The following PFKM variants were observed in gnomAD, a reference collection of about 807,000 sequenced individuals.
The protein encoded by PFKM is ATP-dependent 6-phosphofructokinase, muscle type.
In PFKM, 58 loss-of-function variants were observed where a neutral mutation model predicts 95.5. The observed-to-expected ratio is 0.61, with a 90% confidence interval of 0.49 to 0.76. The LOEUF (loss-of-function observed/expected upper bound fraction) is 0.76, where lower values mean the gene tolerates loss of function less well. Among genes scored for constraint, PFKM ranks in the 30% least tolerant of loss-of-function variants. The pLI is 0.00. For synonymous variants in PFKM, 336 were observed against 357.2 expected (o/e 0.94, Z 0.67); for missense variants, 678 against 1,005.4 (o/e 0.67, Z 4.40).
chr12:48,125,403 C>T (rs781570833), intron 2 of PFKM: 1 of 430,026 alleles, frequency 2.3e-6, no homozygotes. Flanking sequence ...GGGCAGATCA[C>T]CCGAGGTTGG....
chr12:48,108,384 G>A (rs1206393703), intron 3 of PFKM, among the ~76,000 whole-genome samples: 1 of 152,096 alleles, frequency 6.6e-6, no homozygotes, highest in South Asian at 2.1e-4. Context: ...GATGGGGAGG[G>A]AAAGGAAGAA....
At chr12:48,118,907 G>A (rs1377707621), upstream of PFKM, among the ~76,000 whole-genome samples, 1 of 151,934 alleles carries the variant, frequency 6.6e-6, no homozygotes, top group Non-Finnish European at 1.5e-5. Flanking sequence ...TAAACCTCTC[G>A]GCACCTAATG....
intron 1 of PFKM, chr12:48,120,051 A>C (rs1296183423): frequency 6.6e-6 from 1 of 152,188 alleles, no homozygotes; most frequent in Non-Finnish European, 1.5e-5. Flanking sequence ...AATGAGAAGA[A>C]AAAACGGGAG....
intron 10 of PFKM, among the ~76,000 whole-genome samples, chr12:48,135,958 G>C (rs2135934414): frequency 6.6e-6 from 1 of 151,870 alleles, no homozygotes; most frequent in African/African-American, 2.4e-5. Context: ...GTGCGACCTT[G>C]GCTCACTGCA....
chr12:48,141,783 A>T lies in PFKM; in HGVS notation c.1456A>T (p.Thr486Ser). ...CTTTGAACAGATCAGTGCCAATATA[A>T]CTAAGTTTAACATTCAGGGCCTTGT... ...KSFEQISANI[T>S]KFNIQGLVII... The change falls in exon 16 of 23, where the codon ACT (threonine) becomes TCT (serine). Residue 486 changes from threonine to serine, a missense_variant. Transcript: ENST00000359794. The T allele has an allele frequency of 6.2e-7, 1 of 1,613,752 alleles. No homozygotes were observed. Among genetic ancestry groups the T allele is most frequent in the Admixed American group, 1.7e-5 (1 of 60,002 alleles).
chr12:48,109,133 T>G (rs1373479347), intron 3 of PFKM, among the ~76,000 whole-genome samples: 1 of 152,238 alleles, frequency 6.6e-6, no homozygotes, highest in African/African-American at 2.4e-5. Context: ...GGAGATAATA[T>G]GGAACAATGT....
chr12:48,112,705 G>A (rs1947313990), intron 3 of PFKM, among the ~76,000 whole-genome samples: 1 of 152,050 alleles, frequency 6.6e-6, no homozygotes, highest in Admixed American at 6.6e-5. Flanking sequence ...GGATAAGCAA[G>A]ACAATTTGGT....
intron 2 of PFKM, among the ~76,000 whole-genome samples, chr12:48,128,748 C>A (rs1949110054): frequency 1.3e-5 from 2 of 152,182 alleles, no homozygotes; most frequent in Non-Finnish European, 2.9e-5. Context: ...CGATTACTAG[C>A]TCTCTTAGTG....
chr12:48,133,046 T>C lies in PFKM; in HGVS notation c.416T>C (p.Leu139Pro). The change falls in exon 5 of 23, where the codon CTC becomes CCC. Residue 139 changes from leucine (L) to proline (P), a missense_variant. By Grantham distance (98) the Leu-to-Pro change is moderately conservative. Coordinates refer to ENST00000359794, the MANE Select transcript of PFKM (RefSeq NM_000289.6). ...RSEWSDLLSDLQKAGKITDEE... is the reference protein window; with the variant it reads ...RSEWSDLLSDPQKAGKITDEE... Reference sequence around the variant, plus strand: ...GAGTGGAGTGACTTGTTGAGTGACCTCCAGAAAGCAGGTAAGAGAGTTTTC... The same window carrying C: ...GAGTGGAGTGACTTGTTGAGTGACCCCCAGAAAGCAGGTAAGAGAGTTTTC... 6.2e-7 allele frequency: 1 copy of C among 1,614,072 alleles called. No individual in the cohort carries two copies.
chr12:48,135,216 T>A, intron 9 of PFKM, 75 bp from the exon 10 acceptor site: 3 of 1,340,976 alleles, frequency 2.2e-6, no homozygotes, highest in Non-Finnish European at 3.2e-6. Context: ...TGTCCATGGT[T>A]TACCCAAGTC....
At chr12:48,138,566 A>T (rs961726290) in intron 11 of PFKM, among the ~76,000 whole-genome samples, 1 of 152,158 alleles carries the variant, frequency 6.6e-6, no homozygotes, top group African/African-American at 2.4e-5. Context: ...CTCCAAAGTG[A>T]AGGCACTGCC....
Position 48,137,854 on chromosome 12 carries a change from C to T in PFKM, c.1062+8C>T, listed in dbSNP as rs141713627. On this transcript the variant is annotated splice_region_variant and intron_variant, in intron 11 of 22. Transcript: ENST00000359794. ...ATGGAATGTGTCCAGGTGGTAAGTACTGATCCTAAACCCCTTTCTTAACAC... is the reference window on the plus strand; with the variant it reads ...ATGGAATGTGTCCAGGTGGTAAGTATTGATCCTAAACCCCTTTCTTAACAC... The T allele has an allele frequency of 3.1e-6, 5 of 1,614,128 alleles. No individual in the cohort carries two copies. The highest frequency in any genetic ancestry group is 4.2e-6 in the Non-Finnish European group (5 of 1,179,958).
intron 10 of PFKM, among the ~76,000 whole-genome samples, chr12:48,136,397 G>A (rs1375416984): frequency 1.3e-5 from 2 of 152,162 alleles, no homozygotes; most frequent in East Asian, 3.8e-4. Flanking sequence ...ACTCCATGGA[G>A]TGGACGTATT....
intron 1 of PFKM, chr12:48,106,314 T>C: frequency 1.7e-6 from 1 of 584,354 alleles, no homozygotes; most frequent in South Asian, 2.0e-5. Flanking sequence ...GGAATACTGT[T>C]AGTGAGCCCT....
intron 7 of PFKM, 70 bp from the exon 8 acceptor site, chr12:48,134,651 C>T (rs1181933135): frequency 9.2e-7 from 1 of 1,089,934 alleles, no homozygotes; most frequent in Non-Finnish European, 1.4e-6. Flanking sequence ...ACTAGGAGAA[C>T]TTGTTGGGTA....
At chr12:48,106,322 C>A in intron 1 of PFKM, 1 of 578,516 alleles carries the variant, frequency 1.7e-6, no homozygotes, top group Non-Finnish European at 3.1e-6. Context: ...GTTAGTGAGC[C>A]CTTCGTCCTA....
chr12:48,105,903 C>T (rs993310162), upstream of PFKM: 9 of 626,394 alleles, frequency 1.4e-5, no homozygotes, highest in Admixed American at 1.0e-4. Flanking sequence ...GGAAAAGGCG[C>T]CGGCCCCACA....
In PFKM at chr12:48,142,946, G is replaced by A; in HGVS notation, c.1818G>A (p.Gln606=). Residue 606 remains glutamine (Q), a splice_region_variant and synonymous_variant, in exon 18 of 23, where the codon CAG becomes CAA. Transcript: ENST00000359794. The part of the protein sequence containing the change: ...FEEPFTIRDL[Q]ANVEHLVQKM... The stretch of plus-strand genomic sequence containing the variant: ...AGCCCTTCACCATTCGAGACCTGCA[G>A]GTAGCTGGCCACCCAGAGCCTGCTA... 2 of 1,613,316 alleles carry A rather than the reference G, an allele frequency of 1.2e-6. No individual in the cohort carries two copies. The highest frequency in any genetic ancestry group is 1.7e-6 in the Non-Finnish European group (2 of 1,179,902).
At chr12:48,114,306 C>G (rs1246000137) in intron 3 of PFKM, among the ~76,000 whole-genome samples, 2 of 152,160 alleles carry the variant, frequency 1.3e-5, no homozygotes, top group Non-Finnish European at 2.9e-5. Context: ...TGAGAAAGAG[C>G]CTAAACGCTG....
Sources: allele counts gnomAD v4.1 joint callset (sites outside exome capture counted in the v4.1 genomes callset), GRCh38; gene constraint gnomAD v4.1.1; transcripts MANE v1.5; gene names NCBI Gene and HGNC (gene_info 2026-07-23, HGNC 2026-07-21).